The following ART3 variants were observed in gnomAD, a reference collection of about 807,000 sequenced individuals.
ART3 encodes ADP-ribosyltransferase 3 (inactive), also known as ecto-ADP-ribosyltransferase 3.
ART3 carries 49 observed loss-of-function variants against 48.5 expected under a neutral mutation model. The observed-to-expected ratio is 1.01, with a 90% CI of 0.80 to 1.28. ART3 has a LOEUF of 1.28. ART3 is among the 50% of genes most tolerant of loss of function. ART3 has a pLI of 0.00. For synonymous variants in ART3, 145 were observed against 157.2 expected, an observed-to-expected ratio of 0.92 and a Z score of 0.58; for missense variants, 438 against 454.3, an observed-to-expected ratio of 0.96 and a Z score of 0.33.
intron 1 of ART3, among the ~76,000 whole-genome samples, chr4:76,029,384 T>A (rs149924296): frequency 6.6e-6 from 1 of 152,340 alleles, no homozygotes; most frequent in Non-Finnish European, 1.5e-5. Context: ...TGAATACATC[T>A]GTACTTATGG....
Position 76,112,459 on chromosome 4 carries a change from G to A in ART3, c.1110G>A (p.Gln370=). 2 of 1,614,088 alleles carry A rather than the reference G, an allele frequency of 1.2e-6. No homozygotes were observed. The highest frequency in any genetic ancestry group is 1.6e-4 in the Middle Eastern group (1 of 6,062). ...SASSGKLLLP[Q]FGMVIILISV... Reference sequence around the variant, plus strand: ...CCTCGGGCAAACTGCTGCTTCCACAGTTTGGGATGGTCATCATTTTAATCA... The same window carrying A: ...CCTCGGGCAAACTGCTGCTTCCACAATTTGGGATGGTCATCATTTTAATCA... The change falls in exon 12 of 12, where the codon CAG becomes CAA. Residue 370 remains glutamine (Q), a synonymous_variant. Coordinates refer to ENST00000355810, the MANE Select transcript of ART3 (RefSeq NM_001130016.3).
intron 1 of ART3, among the ~76,000 whole-genome samples, chr4:76,025,717 A>G (rs1425280296): frequency 6.6e-6 from 1 of 152,200 alleles, no homozygotes; most frequent in African/African-American, 2.4e-5. Context: ...TCATCGATGT[A>G]GTTGCATGAA....
At chr4:76,094,716 T>C (rs948825021) in intron 3 of ART3, among the ~76,000 whole-genome samples, 1 of 152,208 alleles carries the variant, frequency 6.6e-6, no homozygotes, top group African/African-American at 2.4e-5. Flanking sequence ...GGGTTCTTTC[T>C]CTGGCCTTGG....
intron 1 of ART3, among the ~76,000 whole-genome samples, chr4:76,040,444 A>ACACACACGCG (rs373323505): frequency 9.1e-4 from 117 of 128,926 alleles, no homozygotes; most frequent in Admixed American, 6.5e-3. Context: ...GGATACACAC[A>ACACACACGCG]CACACACACA....
At chr4:76,088,139 A>C (rs1414884741) in intron 3 of ART3, among the ~76,000 whole-genome samples, 1 of 152,144 alleles carries the variant, frequency 6.6e-6, no homozygotes, top group Admixed American at 6.5e-5. Context: ...CCTGGTGGGA[A>C]GCCATGGCTT....
At chr4:76,015,922 G>C (rs1409097259) in intron 1 of ART3, among the ~76,000 whole-genome samples, 1 of 152,182 alleles carries the variant, frequency 6.6e-6, no homozygotes, top group Non-Finnish European at 1.5e-5. Flanking sequence ...AGCCTGGCCT[G>C]GGATTATAGG....
intron 11 of ART3, among the ~76,000 whole-genome samples, chr4:76,110,834 AATATAT>A (rs772551152): frequency 6.6e-6 from 1 of 151,122 alleles, no homozygotes; most frequent in Non-Finnish European, 1.5e-5. Flanking sequence ...ATGACCTAGA[AATATAT>A]ATATATATAA....
intron 1 of ART3, among the ~76,000 whole-genome samples, chr4:76,017,859 G>T (rs1463710735): frequency 6.6e-6 from 1 of 152,242 alleles, no homozygotes; most frequent in Non-Finnish European, 1.5e-5. Flanking sequence ...TTTCCACTGT[G>T]ACAGAGCATG....
chr4:76,065,383 G>A (rs1719629341), intron 1 of ART3, among the ~76,000 whole-genome samples: 1 of 152,072 alleles, frequency 6.6e-6, no homozygotes, highest in African/African-American at 2.4e-5. Context: ...TTGGGATGTG[G>A]GAGGAAACCA....
intron 1 of ART3, among the ~76,000 whole-genome samples, chr4:76,039,825 A>G (rs1479389521): frequency 1.3e-5 from 2 of 152,208 alleles, no homozygotes; most frequent in East Asian, 3.8e-4. Flanking sequence ...TCAAATTTAC[A>G]TAAAACAAGA....
chr4:76,018,209 C>T (rs535943487), intron 1 of ART3, among the ~76,000 whole-genome samples: 2 of 152,268 alleles, frequency 1.3e-5, no homozygotes, highest in East Asian at 1.9e-4. Context: ...TGCCCATCAA[C>T]GGTGGACTTC....
chr4:76,017,749 A>G (rs1578192371), intron 1 of ART3, among the ~76,000 whole-genome samples: 2 of 152,342 alleles, frequency 1.3e-5, no homozygotes. Flanking sequence ...AGACTTGCCA[A>G]AACTCAACTT....
At chr4:76,092,052 T>C (rs569261693) in intron 3 of ART3, among the ~76,000 whole-genome samples, 7 of 152,328 alleles carry the variant, frequency 4.6e-5, no homozygotes, top group South Asian at 4.1e-4. Context: ...CCAGGTAGTG[T>C]TCATTGTATT....
chr4:76,040,506 A>G (rs1184251765), intron 1 of ART3, among the ~76,000 whole-genome samples: 1 of 140,744 alleles, frequency 7.1e-6, no homozygotes, highest in Non-Finnish European at 1.5e-5. Context: ...TCTATATCAG[A>G]CTATATCAGG....
At chr4:76,067,594 T>G (rs1719871332) in intron 1 of ART3, among the ~76,000 whole-genome samples, 1 of 152,212 alleles carries the variant, frequency 6.6e-6, no homozygotes, top group African/African-American at 2.4e-5. Flanking sequence ...TATGTCATAG[T>G]GTGAGGAATC....
At chr4:76,104,731 A>C (rs1051328835) in intron 10 of ART3, 102 bp downstream of exon 10, 2 of 1,394,280 alleles carry the variant, frequency 1.4e-6, no homozygotes, top group Non-Finnish European at 9.9e-7. Context: ...ATTGTCATCT[A>C]TCAAATGTAG....
intron 1 of ART3, chr4:76,022,074 A>T (rs1211148189): frequency 9.5e-6 from 9 of 949,398 alleles, no homozygotes; most frequent in Non-Finnish European, 1.5e-5. Context: ...TGCATTCATT[A>T]TGGATTATAG....
At chr4:76,101,807 T>A (rs1727385661) in intron 8 of ART3, among the ~76,000 whole-genome samples, 1 of 152,224 alleles carries the variant, frequency 6.6e-6, no homozygotes. Context: ...AACAGTCTCA[T>A]AAATTACTGG....
intron 1 of ART3, among the ~76,000 whole-genome samples, chr4:76,052,716 T>TTTC (rs1560599807): frequency 1.1e-5 from 1 of 90,814 alleles, no homozygotes. Context: ...TCTTTTTTCC[T>TTTC]TCTTTTTTTT....
Sources: allele counts gnomAD v4.1 joint callset (sites outside exome capture counted in the v4.1 genomes callset), GRCh38; gene constraint gnomAD v4.1.1; transcripts MANE v1.5; gene names NCBI Gene and HGNC (gene_info 2026-07-23, HGNC 2026-07-21).